SCN11A: variants seen among roughly 807,000 people sequenced by gnomAD.
SCN11A encodes sodium channel protein type 11 subunit alpha.
SCN11A carries 122 observed loss-of-function variants against 162.2 expected under a neutral mutation model. That is an observed-to-expected ratio of 0.75 (90% confidence interval 0.65 to 0.87). SCN11A has a LOEUF of 0.87. SCN11A is among the 40% of genes least tolerant of loss of function. SCN11A has a pLI of 0.00. For missense variants in SCN11A, 2,015 were observed against 2,181.6 expected (o/e 0.92, Z 1.52); for synonymous variants, 758 against 751.5 (o/e 1.01, Z -0.14).
At chr3:38,882,023 C>G (rs528581783) in intron 22 of SCN11A, among the ~76,000 whole-genome samples, 1 of 152,166 alleles carries the variant, frequency 6.6e-6, no homozygotes, top group South Asian at 2.1e-4. Flanking sequence ...ACTTGAGTAA[C>G]AGTAGACAGC....
At chr3:39,021,593 G>A (rs1475665936) in intron 2 of SCN11A, among the ~76,000 whole-genome samples, 2 of 152,152 alleles carry the variant, frequency 1.3e-5, no homozygotes, top group African/African-American at 4.8e-5. Flanking sequence ...GGGGACCTGA[G>A]TGAAGGAGAG....
At chr3:38,884,717 G>T (rs1451215264) in intron 21 of SCN11A, among the ~76,000 whole-genome samples, 1 of 152,170 alleles carries the variant, frequency 6.6e-6, no homozygotes, top group Admixed American at 6.5e-5. Context: ...TGCATTTATT[G>T]ATTGCTTATT....
At chr3:38,872,410 GTTAT>G (rs1217593328) in intron 23 of SCN11A, 116 bp from the exon 24 acceptor site, 1 of 630,460 alleles carries the variant, frequency 1.6e-6, no homozygotes, top group East Asian at 2.8e-5. Flanking sequence ...ATGCACTCAC[GTTAT>G]TTGTTTAGTG....
At chr3:39,013,500 T>C (rs2031205411) in intron 2 of SCN11A, among the ~76,000 whole-genome samples, 1 of 151,888 alleles carries the variant, frequency 6.6e-6, no homozygotes, top group Admixed American at 6.6e-5. Flanking sequence ...AGAAGTCAGC[T>C]GACGTAAGAT....
intron 2 of SCN11A, among the ~76,000 whole-genome samples, chr3:39,016,546 T>C (rs890032497): frequency 6.6e-6 from 1 of 152,218 alleles, no homozygotes; most frequent in Non-Finnish European, 1.5e-5. Flanking sequence ...TTTCAGCCTT[T>C]GTTAAGTTTG....
chr3:38,955,627 T>G (rs1307018085), intron 3 of SCN11A, among the ~76,000 whole-genome samples: 1 of 152,188 alleles, frequency 6.6e-6, no homozygotes, highest in Non-Finnish European at 1.5e-5. Flanking sequence ...TTCTGAAAAT[T>G]TTCTGTGCAG....
At chr3:39,031,567 AG>A (rs747291334) in intron 2 of SCN11A, among the ~76,000 whole-genome samples, 7 of 151,954 alleles carry the variant, frequency 4.6e-5, no homozygotes, top group African/African-American at 7.2e-5. Flanking sequence ...CAAAGAAGGA[AG>A]GAAAAAGAAA....
chr3:38,975,252 C>G (rs530894132), intron 2 of SCN11A, among the ~76,000 whole-genome samples: 270 of 152,000 alleles, frequency 1.8e-3, no homozygotes, highest in African/African-American at 6.1e-3. Flanking sequence ...AAAAATTCTT[C>G]CAAATGCCAA....
At chr3:38,948,037 T>G (rs982620978) in intron 5 of SCN11A, among the ~76,000 whole-genome samples, 2 of 152,220 alleles carry the variant, frequency 1.3e-5, no homozygotes, top group Non-Finnish European at 1.5e-5. Context: ...TCAACCTTCC[T>G]TTAATGAGCT....
In SCN11A at chr3:39,012,983, AT is replaced by A. The variant is rs981565863; in HGVS notation, c.-280+19396del. Among the ~76,000 whole-genome samples, 98 of 152,126 alleles carry A rather than the reference AT, an allele frequency of 6.4e-4. No homozygotes were observed. The Middle Eastern group carries it at 0.01, about 16-fold the overall frequency. On this transcript the variant is annotated intron_variant, in intron 2 of 29. Transcript: ENST00000302328. The stretch of plus-strand genomic sequence containing the variant: ...CATTTCTACAGTTTCTACTGCAATT[AT>A]TTTTTTTAACTGAGGATGGCTAAAA...
chr3:39,030,108 C>T (rs778561982), intron 2 of SCN11A, among the ~76,000 whole-genome samples: 2 of 152,130 alleles, frequency 1.3e-5, no homozygotes, highest in Non-Finnish European at 2.9e-5. Context: ...TAGTCTTGCC[C>T]TTAGTGAAAG....
rs1022453030 is a variant in SCN11A at position 38,846,482 on chromosome 3, T to A, written c.*212A>T. The stretch of plus-strand genomic sequence containing the variant: ...CCTGGTGTCTTCTTCCTTATTATAA[T>A]AGTACCACTGGTTGTCAAGTAGCCT... On this transcript the variant is annotated 3_prime_UTR_variant, in exon 30 of 30. Coordinates refer to ENST00000302328, the MANE Select transcript of SCN11A (RefSeq NM_001349253.2). 3.6e-6 allele frequency: 2 copies of A among 555,666 alleles called. No homozygotes were observed. Among genetic ancestry groups the A allele is most frequent in the Non-Finnish European group, 6.4e-6 (2 of 312,096 alleles). The allele number at this position is 555,666 out of a possible 1,614,324, so 34.4% of individuals were successfully genotyped here.
intron 19 of SCN11A, among the ~76,000 whole-genome samples, chr3:38,888,877 C>CT (rs1478836617): frequency 6.6e-6 from 1 of 152,136 alleles, no homozygotes; most frequent in Non-Finnish European, 1.5e-5. Context: ...GAAGATAGGG[C>CT]TCCCTCTACC....
intron 2 of SCN11A, among the ~76,000 whole-genome samples, chr3:39,031,096 AG>A (rs10714851): frequency 0.14 from 21,485 of 152,244 alleles, 1,748 homozygotes; most frequent in African/African-American, 0.22. Context: ...ATATATAGAC[AG>A]AAGGAGATAA....
At chr3:38,912,048 TGAGTG>T (rs1246663468) in intron 11 of SCN11A, among the ~76,000 whole-genome samples, 1 of 152,178 alleles carries the variant, frequency 6.6e-6, no homozygotes, top group Non-Finnish European at 1.5e-5. Context: ...TGGGAATTTG[TGAGTG>T]GTAGGTTTTG....
chr3:38,876,330 G>T (rs1320697843), intron 23 of SCN11A, among the ~76,000 whole-genome samples: 1 of 152,008 alleles, frequency 6.6e-6, no homozygotes, highest in African/African-American at 2.4e-5. Context: ...GAACCCAAAA[G>T]CAAATGCAAC....
At chr3:38,892,319 A>T (rs1304122247) in intron 19 of SCN11A, among the ~76,000 whole-genome samples, 1 of 152,246 alleles carries the variant, frequency 6.6e-6, no homozygotes, top group Non-Finnish European at 1.5e-5. Context: ...CTAAATGGTA[A>T]TACAACACAC....
intron 9 of SCN11A, among the ~76,000 whole-genome samples, chr3:38,924,977 G>A (rs1016364028): frequency 1.3e-5 from 2 of 151,864 alleles, no homozygotes; most frequent in East Asian, 3.9e-4. Context: ...TCAAATCTCT[G>A]CCACCTCTCA....
At chr3:39,012,754 C>T (rs1042042684) in intron 2 of SCN11A, among the ~76,000 whole-genome samples, 2 of 152,148 alleles carry the variant, frequency 1.3e-5, no homozygotes, top group African/African-American at 2.4e-5. Flanking sequence ...GGATTACAGG[C>T]GTGAGCCACT....
Sources: allele counts gnomAD v4.1 joint callset (sites outside exome capture counted in the v4.1 genomes callset), GRCh38; gene constraint gnomAD v4.1.1; transcripts MANE v1.5; gene names NCBI Gene and HGNC (gene_info 2026-07-23, HGNC 2026-07-21).